The following DACH2 variants were observed in gnomAD, a reference collection of about 807,000 sequenced individuals.
The protein encoded by DACH2 is dachshund homolog 2.
A neutral mutation model predicts 35.8 loss-of-function variants in DACH2; 17 were observed. The ratio of observed to expected loss-of-function variants is 0.48; its 90% CI spans 0.33 to 0.71. DACH2 has a LOEUF of 0.71. DACH2 is among the 30% of genes least tolerant of loss of function. The pLI, the probability that DACH2 is intolerant of heterozygous loss-of-function variation, is 0.02. For missense variants in DACH2, 469 were observed against 472.7 expected, an observed-to-expected ratio of 0.99 and a Z score of 0.07; for synonymous variants, 195 against 177.3, an observed-to-expected ratio of 1.10 and a Z score of -0.79.
chrX:86,786,751 T>C (rs944675121), intron 7 of DACH2, among the ~76,000 whole-genome samples: 1 of 112,244 alleles, frequency 8.9e-6, no homozygotes, highest in Non-Finnish European at 1.9e-5. Context: ...AAATTTAAGA[T>C]TACTGCAGTA....
intron 7 of DACH2, among the ~76,000 whole-genome samples, chrX:86,754,557 C>T (rs1048013312): frequency 1.8e-5 from 2 of 110,644 alleles, no homozygotes; most frequent in African/African-American, 6.6e-5. Flanking sequence ...TTGTAGCCAA[C>T]CTCTCTTCAT....
At chrX:86,790,715 TA>T (rs999493974) in intron 7 of DACH2, among the ~76,000 whole-genome samples, 4 of 110,743 alleles carry the variant, frequency 3.6e-5, no homozygotes, top group Non-Finnish European at 7.5e-5. Flanking sequence ...CTGGATAATT[TA>T]AAAAATGTAG....
intron 2 of DACH2, among the ~76,000 whole-genome samples, chrX:86,494,196 C>A (rs1468435920): frequency 8.9e-6 from 1 of 112,145 alleles, no homozygotes; most frequent in Non-Finnish European, 1.9e-5. Flanking sequence ...GTAGCTATGA[C>A]ATTTTATGTA....
chrX:86,487,047 C>T (rs2148241101), intron 2 of DACH2, among the ~76,000 whole-genome samples: 1 of 111,651 alleles, frequency 9.0e-6, no homozygotes, highest in South Asian at 3.8e-4. Context: ...GTAATTTCTT[C>T]TCTAAAGGGA....
At chrX:86,644,900 T>C (rs1456039319) in intron 3 of DACH2, among the ~76,000 whole-genome samples, 1 of 110,541 alleles carries the variant, frequency 9.0e-6, no homozygotes, top group East Asian at 2.8e-4. Context: ...CCTTAAAGCA[T>C]ATACAAAAAT....
At chrX:86,348,809 C>T (rs1170490859) in intron 1 of DACH2, among the ~76,000 whole-genome samples, 1 of 112,393 alleles carries the variant, frequency 8.9e-6, no homozygotes, top group African/African-American at 3.2e-5. Flanking sequence ...TTCCCTTGTT[C>T]CCCTCTCAGG....
intron 1 of DACH2, among the ~76,000 whole-genome samples, chrX:86,326,504 C>T (rs1009958869): frequency 2.2e-5 from 2 of 92,299 alleles, no homozygotes; most frequent in African/African-American, 7.4e-5. Flanking sequence ...CACACACACA[C>T]ACACACACAT....
intron 6 of DACH2, among the ~76,000 whole-genome samples, chrX:86,727,440 G>C (rs1456982007): frequency 9.0e-6 from 1 of 111,600 alleles, no homozygotes; most frequent in African/African-American, 3.3e-5. Context: ...TACTCTTACT[G>C]TCATGTTTTT....
chrX:86,327,705 CTT>C (rs1178717703), intron 1 of DACH2, among the ~76,000 whole-genome samples: 6 of 111,885 alleles, frequency 5.4e-5, no homozygotes, highest in Admixed American at 9.5e-5. Context: ...AGTTTGCTCT[CTT>C]ATTTTATAGA....
chrX:86,755,070 G>A (rs1326427540), intron 7 of DACH2, among the ~76,000 whole-genome samples: 2 of 111,124 alleles, frequency 1.8e-5, no homozygotes, highest in African/African-American at 3.3e-5. Context: ...CCTTTTCTCC[G>A]CATCCTTGCC....
chrX:86,757,446 G>C (rs1283740955), intron 7 of DACH2, among the ~76,000 whole-genome samples: 1 of 112,237 alleles, frequency 8.9e-6, no homozygotes, highest in Non-Finnish European at 1.9e-5. Flanking sequence ...AAAAGAATTG[G>C]TGTTAATCTT....
At chrX:86,752,820 C>A (rs1364737330) in intron 7 of DACH2, among the ~76,000 whole-genome samples, 1 of 111,301 alleles carries the variant, frequency 9.0e-6, no homozygotes, top group Non-Finnish European at 1.9e-5. Flanking sequence ...GATATTTGTA[C>A]ATTTGTATTC....
intron 7 of DACH2, among the ~76,000 whole-genome samples, chrX:86,752,365 C>A (rs773333368): frequency 9.0e-6 from 1 of 111,512 alleles, no homozygotes; most frequent in African/African-American, 3.3e-5. Context: ...TGTTGACCAA[C>A]TTTTCATATA....
At chrX:86,333,982 C>T (rs984517628) in intron 1 of DACH2, among the ~76,000 whole-genome samples, 6 of 106,157 alleles carry the variant, frequency 5.7e-5, no homozygotes, top group Non-Finnish European at 1.0e-4. Context: ...GTTCAACTCC[C>T]ATTTATGAGT....
At chrX:86,703,833 A>G (rs1457459249) in intron 5 of DACH2, among the ~76,000 whole-genome samples, 1 of 112,118 alleles carries the variant, frequency 8.9e-6, no homozygotes, top group African/African-American at 3.2e-5. Flanking sequence ...ATGGAAAAAC[A>G]TTCCATGCTC....
At chrX:86,673,335 C>T (rs868831716) in intron 4 of DACH2, among the ~76,000 whole-genome samples, 1 of 43,197 alleles carries the variant, frequency 2.3e-5, no homozygotes, top group African/African-American at 9.7e-5. Context: ...GACTCCGTCT[C>T]AAAAAAAAAA....
At chrX:86,827,775 T>A in intron 11 of DACH2, 2 of 1,166,755 alleles carry the variant, frequency 1.7e-6, no homozygotes, top group Non-Finnish European at 2.3e-6. Context: ...GCCTGAACAC[T>A]GATGCCGGAA....
At chrX:86,439,965 T>C (rs763612095) in intron 2 of DACH2, among the ~76,000 whole-genome samples, 35 of 111,864 alleles carry the variant, frequency 3.1e-4, no homozygotes, top group South Asian at 7.4e-4. Flanking sequence ...TTTAATTCCA[T>C]TGTGGTCTGA....
intron 2 of DACH2, among the ~76,000 whole-genome samples, chrX:86,431,351 G>C (rs2036981989): frequency 8.9e-6 from 1 of 111,848 alleles, no homozygotes; most frequent in African/African-American, 3.2e-5. Flanking sequence ...TTTTTAAAGA[G>C]GGAAAAAAGC....
Sources: allele counts gnomAD v4.1 joint callset (sites outside exome capture counted in the v4.1 genomes callset), GRCh38; gene constraint gnomAD v4.1.1; transcripts MANE v1.5; gene names NCBI Gene and HGNC (gene_info 2026-07-23, HGNC 2026-07-21).